The following BRIP1 variants were observed in gnomAD, a reference collection of about 807,000 sequenced individuals.
BRIP1 encodes Fanconi anemia group J protein.
Under a neutral mutation model 119.7 loss-of-function variants are expected in BRIP1, and 88 were observed. The observed-to-expected ratio is 0.74, with a 90% CI of 0.62 to 0.88. The LOEUF (loss-of-function observed/expected upper bound fraction) is 0.88. BRIP1 is among the 40% of genes least tolerant of loss of function. BRIP1 has a pLI of 0.00. For synonymous variants in BRIP1, 443 were observed against 496.5 expected (o/e 0.89, Z 1.43); for missense variants, 1,259 against 1,455.4 (o/e 0.87, Z 2.20).
Position 61,828,188 on chromosome 17 carries a change from T to C in BRIP1, c.627+18913A>G, listed in dbSNP as rs1280326655. On this transcript the variant is annotated intron_variant, in intron 6 of 19. Transcript: ENST00000259008. The surrounding 1 kb of genome is among the most constrained non-coding windows in gnomAD (Gnocchi z 4.1). Reference sequence around the variant, plus strand: ...CTGGCAGATGAACGGACAAACAAAATGTGGTATATCCATACAATGGAATAT... The same window carrying C: ...CTGGCAGATGAACGGACAAACAAAACGTGGTATATCCATACAATGGAATAT... Among the ~76,000 whole-genome samples the C allele has an allele frequency of 1.3e-5, 2 of 152,072 alleles. No homozygotes were observed. Among genetic ancestry groups the C allele is most frequent in the Non-Finnish European group, 2.9e-5 (2 of 67,996 alleles).
rs1387896554 is a variant in BRIP1 at position 61,762,570 on chromosome 17, A to G, written c.2097+13831T>C. Reference sequence around the variant, plus strand: ...AATTTAAAAATGGGCAAGGGATTTGAATAGACATTTCTAAAAGAAGACAAC... The same window carrying G: ...AATTTAAAAATGGGCAAGGGATTTGGATAGACATTTCTAAAAGAAGACAAC... On this transcript the variant is annotated intron_variant, in intron 14 of 19. Transcript: ENST00000259008. The surrounding 1 kb of genome is among the most constrained non-coding windows in gnomAD (Gnocchi z 4.3). Among the ~76,000 whole-genome samples, 2 of 152,186 alleles carry G rather than the reference A, an allele frequency of 1.3e-5. No individual in the cohort carries two copies. The highest frequency in any genetic ancestry group is 2.9e-5 in the Non-Finnish European group (2 of 68,014).
rs998500261 is a variant in BRIP1 at position 61,770,829 on chromosome 17, T to C, written c.2097+5572A>G. On this transcript the variant is annotated intron_variant, in intron 14 of 19. Transcript: ENST00000259008. This position sits in a 1 kb window ranked among gnomAD's most constrained non-coding sequence, Gnocchi z 4.7. Reference sequence around the variant, plus strand: ...TAAATGGCACACTAGAAAATATCTATCTATTAGATTCAAAAGGCAATGATA... The same window carrying C: ...TAAATGGCACACTAGAAAATATCTACCTATTAGATTCAAAAGGCAATGATA... 3.3e-5 allele frequency among the ~76,000 whole-genome samples: 5 copies of C among 152,174 alleles called. No homozygotes were observed. The highest frequency in any genetic ancestry group is 1.3e-4 in the Admixed American group (2 of 15,280).
Position 61,726,884 on chromosome 17 carries a change from A to G in BRIP1, c.2380-10821T>C, listed in dbSNP as rs1382241880. On this transcript the variant is annotated intron_variant, in intron 16 of 19. Transcript: ENST00000259008. The surrounding 1 kb of genome is among the most constrained non-coding windows in gnomAD (Gnocchi z 6.2). ...CATGATTGGTACCATATTAGTCTAA[A>G]TATTATTTTATTCAAATATCTTACA... Among the ~76,000 whole-genome samples the G allele has an allele frequency of 6.6e-6, 1 of 152,174 alleles. No individual in the cohort carries two copies. The highest frequency in any genetic ancestry group is 2.4e-5 in the African/African-American group (1 of 41,448).
rs1370988018 is a variant in BRIP1 at position 61,842,339 on chromosome 17, T to G, written c.627+4762A>C. Among the ~76,000 whole-genome samples, 1 of 151,998 alleles carries G rather than the reference T, an allele frequency of 6.6e-6. No homozygotes were observed. The highest frequency in any genetic ancestry group is 1.5e-5 in the Non-Finnish European group (1 of 67,984). On this transcript the variant is annotated intron_variant, in intron 6 of 19. Transcript: ENST00000259008. The surrounding 1 kb of genome is among the most constrained non-coding windows in gnomAD (Gnocchi z 5.1). ...TTACAAATTCATAACTACAGCTAGA[T>G]TGGAGAAACAGGAGGAATAAGTTCT...
rs975418457 is a variant in BRIP1, at chr17:61,825,290, GA to G, written c.628-16534del. Reference sequence around the variant, plus strand: ...ACAGAGCAAGACTCTGTCTCAAAACGAAAAAAAAAAGAAAAGAAAAGAAAAG... The same window carrying G: ...ACAGAGCAAGACTCTGTCTCAAAACGAAAAAAAAAGAAAAGAAAAGAAAAG... On this transcript the variant is annotated intron_variant, in intron 6 of 19. Coordinates refer to ENST00000259008, the MANE Select transcript of BRIP1 (RefSeq NM_032043.3). The surrounding 1 kb of genome is among the most constrained non-coding windows in gnomAD (Gnocchi z 4.1). Among the ~76,000 whole-genome samples the G allele has an allele frequency of 1.7e-4, 23 of 134,068 alleles. No individual in the cohort carries two copies. The highest frequency in any genetic ancestry group is 4.1e-3 in the Middle Eastern group (1 of 244). The allele number at this position is 134,068 out of a possible 152,430, so 88.0% of individuals were successfully genotyped here.
At position 61,758,734 on chromosome 17, in the gene BRIP1, C is replaced by T. The variant is rs2077233305; in HGVS notation, c.2098-14143G>A. Among the ~76,000 whole-genome samples the T allele has an allele frequency of 6.6e-6, 1 of 151,916 alleles. No individual in the cohort carries two copies. The highest frequency in any genetic ancestry group is 2.4e-5 in the African/African-American group (1 of 41,350). ...GCGTGGTCACTCATGCCTGTAATTC[C>T]AGCACTTTAGGAGGCTGAGGCAGAA... On this transcript the variant is annotated intron_variant, in intron 14 of 19. Transcript: ENST00000259008. This position sits in a 1 kb window ranked among gnomAD's most constrained non-coding sequence, Gnocchi z 5.3.
In BRIP1 at chr17:61,860,983, A is replaced by G. The variant is rs945326999; in HGVS notation, c.93+464T>C. 1.3e-5 allele frequency among the ~76,000 whole-genome samples: 2 copies of G among 152,196 alleles called. No individual in the cohort carries two copies. Among genetic ancestry groups the G allele is most frequent in the African/African-American group, 4.8e-5 (2 of 41,466 alleles). ...AAAAGTATAAAAACATGGCTAGGAA[A>G]GGAAAAGAACAAATTCAGGATACTA... is the stretch of plus-strand genomic sequence containing the variant. On this transcript the variant is annotated intron_variant, in intron 2 of 19. Coordinates refer to ENST00000259008, the MANE Select transcript of BRIP1 (RefSeq NM_032043.3). The surrounding 1 kb of genome is among the most constrained non-coding windows in gnomAD (Gnocchi z 4.1).
In BRIP1 at chr17:61,686,633, A is replaced by G. The variant is rs1250507052; in HGVS notation, c.2576-468T>C. 6.6e-6 allele frequency among the ~76,000 whole-genome samples: 1 copy of G among 152,096 alleles called. No individual in the cohort carries two copies. The highest frequency in any genetic ancestry group is 2.4e-5 in the African/African-American group (1 of 41,432). On this transcript the variant is annotated intron_variant, in intron 18 of 19. Coordinates refer to ENST00000259008, the MANE Select transcript of BRIP1 (RefSeq NM_032043.3). This position sits in a 1 kb window ranked among gnomAD's most constrained non-coding sequence, Gnocchi z 5.4. ...GTTTTTTTGTTCCCTTCCTCCACCAATTCCAAATATATCTTAAATTAAAAT... is the reference window on the plus strand; with the variant it reads ...GTTTTTTTGTTCCCTTCCTCCACCAGTTCCAAATATATCTTAAATTAAAAT...
Position 61,680,389 on chromosome 17 carries a change from A to G in BRIP1, c.*2907T>C, listed in dbSNP as rs2061255196. On this transcript the variant is annotated 3_prime_UTR_variant, in exon 20 of 20. Coordinates refer to ENST00000259008, the MANE Select transcript of BRIP1 (RefSeq NM_032043.3). ...AAACATATCTAGCTAGGGAAAGGGG[A>G]AAGTATTGGAGATGAAGTTGGGTAA... Among the ~76,000 whole-genome samples the G allele has an allele frequency of 6.6e-6, 1 of 151,788 alleles. No homozygotes were observed. The highest frequency in any genetic ancestry group is 2.4e-5 in the African/African-American group (1 of 41,322).
At position 61,784,389 on chromosome 17, in the gene BRIP1, T is replaced by C. The variant is rs1443429619; in HGVS notation, c.1509A>G (p.Lys503=). 1 of 1,613,432 alleles carries C rather than the reference T, an allele frequency of 6.2e-7. No homozygotes were observed. Among genetic ancestry groups the C allele is most frequent in the East Asian group, 2.2e-5 (1 of 44,810 alleles). The part of the protein sequence containing the change: ...HFSAVLQKEE[K]ISPIYGKEEA... ...CCTCTTTACCATAAATTGGTGAGAT[T>C]TTTTCCTCTTTTTGAAGAACAGCAG... The change falls in exon 11 of 20, where the codon AAA becomes AAG. Residue 503 remains lysine, a synonymous_variant. Transcript: ENST00000259008.
rs1218251355 is a variant in BRIP1 at position 61,751,879 on chromosome 17, C to T, written c.2098-7288G>A. On this transcript the variant is annotated intron_variant, in intron 14 of 19. Transcript: ENST00000259008. The surrounding 1 kb of genome is among the most constrained non-coding windows in gnomAD (Gnocchi z 6.7). Reference sequence around the variant, plus strand: ...CGCCTCCTGAGTTCAAGCAATTCTCCTGTCCCAGCCTCCTGAGTAGCTGGG... The same window carrying T: ...CGCCTCCTGAGTTCAAGCAATTCTCTTGTCCCAGCCTCCTGAGTAGCTGGG... Among the ~76,000 whole-genome samples, 1 of 152,084 alleles carries T rather than the reference C, an allele frequency of 6.6e-6. No individual in the cohort carries two copies. Among genetic ancestry groups the T allele is most frequent in the Non-Finnish European group, 1.5e-5 (1 of 68,018 alleles).
At position 61,815,404 on chromosome 17, in the gene BRIP1, G is replaced by T. The variant is rs1241124700; in HGVS notation, c.628-6647C>A. Among the ~76,000 whole-genome samples the T allele has an allele frequency of 6.6e-6, 1 of 152,048 alleles. No homozygotes were observed. The highest frequency in any genetic ancestry group is 2.4e-5 in the African/African-American group (1 of 41,410). On this transcript the variant is annotated intron_variant, in intron 6 of 19. Coordinates refer to ENST00000259008, the MANE Select transcript of BRIP1 (RefSeq NM_032043.3). This position sits in a 1 kb window ranked among gnomAD's most constrained non-coding sequence, Gnocchi z 4.1. ...GGCTTTATTCCAGAATTTATATCTG[G>T]TTTTTTAACGAAAATCAAATGGAAA...
Position 61,761,890 on chromosome 17 carries a change from T to C in BRIP1, c.2097+14511A>G, listed in dbSNP as rs1029601712. ...ATCAAAATTCCAATGTCATTTTTCA[T>C]AGAAATAGAAAAAAGAATCCTAAAT... On this transcript the variant is annotated intron_variant, in intron 14 of 19. Transcript: ENST00000259008. The surrounding 1 kb of genome is among the most constrained non-coding windows in gnomAD (Gnocchi z 6.4). Among the ~76,000 whole-genome samples, 3 of 152,014 alleles carry C rather than the reference T, an allele frequency of 2.0e-5. No individual in the cohort carries two copies. The South Asian group carries it at 6.2e-4, about 31-fold the overall frequency.
Position 61,722,519 on chromosome 17 carries a change from A to T in BRIP1, c.2380-6456T>A, listed in dbSNP as rs1364708283. 1.3e-5 allele frequency among the ~76,000 whole-genome samples: 2 copies of T among 152,232 alleles called. No homozygotes were observed. Among genetic ancestry groups the T allele is most frequent in the African/African-American group, 4.8e-5 (2 of 41,456 alleles). ...GCTGGGAAAAATATATGTATTTCCTACCTATCTCTCAAAAATGTAACTAAA... is the reference window on the plus strand; with the variant it reads ...GCTGGGAAAAATATATGTATTTCCTTCCTATCTCTCAAAAATGTAACTAAA... On this transcript the variant is annotated intron_variant, in intron 16 of 19. Transcript: ENST00000259008. This position sits in a 1 kb window ranked among gnomAD's most constrained non-coding sequence, Gnocchi z 4.6.
rs1013178986 is a variant in BRIP1 at position 61,856,182 on chromosome 17, A to G, written c.379+876T>C. ...TGGTCACCTATTTAATAACTGTTCC[A>G]CTTCTCTTTCCTCATTCCTACCAGA... On this transcript the variant is annotated intron_variant, in intron 4 of 19. Coordinates refer to ENST00000259008, the MANE Select transcript of BRIP1 (RefSeq NM_032043.3). This position sits in a 1 kb window ranked among gnomAD's most constrained non-coding sequence, Gnocchi z 5.1. Among the ~76,000 whole-genome samples the G allele has an allele frequency of 6.6e-6, 1 of 152,138 alleles. No homozygotes were observed. The highest frequency in any genetic ancestry group is 1.5e-5 in the Non-Finnish European group (1 of 68,012).
At position 61,683,150 on chromosome 17, in the gene BRIP1, C is replaced by A; in HGVS notation, c.*146G>T. 1 of 1,051,750 alleles carries A rather than the reference C, an allele frequency of 9.5e-7. No homozygotes were observed. Among genetic ancestry groups the A allele is most frequent in the Non-Finnish European group, 1.3e-6 (1 of 742,964 alleles). 65.2% of individuals were successfully genotyped at this position (1,051,750 alleles called of 1,614,324 possible). On this transcript the variant is annotated 3_prime_UTR_variant, in exon 20 of 20. Transcript: ENST00000259008. The surrounding 1 kb of genome is among the most constrained non-coding windows in gnomAD (Gnocchi z 4.7). ...TGTCTCAAAAAAAAAAACCCAAAAA[C>A]TCAAGAATAATAACATTTACATTTC... is the stretch of plus-strand genomic sequence containing the variant.
chr17:61,784,226 G>C (rs760718789), intron 11 of BRIP1, 44 bp downstream of exon 11: 29 of 1,562,236 alleles, frequency 1.9e-5, no homozygotes, highest in Non-Finnish European at 2.6e-5. Flanking sequence ...ATCCAAATTA[G>C]GCTATTTTTA....
chr17:61,731,777 T>G (rs1363429143), intron 16 of BRIP1, among the ~76,000 whole-genome samples: 1 of 152,076 alleles, frequency 6.6e-6, no homozygotes, highest in Non-Finnish European at 1.5e-5. Flanking sequence ...ATCACAACTG[T>G]GATTGTTTCT....
intron 14 of BRIP1, among the ~76,000 whole-genome samples, chr17:61,765,082 C>T (rs947500165): frequency 1.5e-4 from 22 of 151,534 alleles, no homozygotes; most frequent in Admixed American, 1.3e-3. Flanking sequence ...CAAGAAGGCC[C>T]TTACTAGATG....
Sources: gnomAD v4.1 joint callset for allele counts (sites outside exome capture counted in the v4.1 genomes callset) on GRCh38, gnomAD v4.1.1 for gene constraint, Gnocchi (gnomAD v3.1) non-coding constraint, MANE v1.5 for transcripts, NCBI Gene and HGNC (gene_info 2026-07-23, HGNC 2026-07-21) for gene names.